The following TNFSF4 variants were observed in gnomAD, a reference collection of about 807,000 sequenced individuals.
The protein encoded by TNFSF4 is tumor necrosis factor ligand superfamily member 4.
A neutral mutation model predicts 7.3 loss-of-function variants in TNFSF4; 4 were observed. That is an observed-to-expected ratio of 0.55 (90% CI 0.27 to 1.25). The LOEUF (loss-of-function observed/expected upper bound fraction) is 1.25. Among genes scored for constraint, TNFSF4 ranks in the 50% most tolerant of loss-of-function variants. TNFSF4 has a pLI of 0.12. For synonymous variants in TNFSF4, 76 were observed against 83.7 expected, an observed-to-expected ratio of 0.91 and a Z score of 0.50; for missense variants, 181 against 208.8, an observed-to-expected ratio of 0.87 and a Z score of 0.82.
At chr1:173,183,678 A>C (rs986604492), downstream of TNFSF4, 2 of 152,126 alleles carry the variant, frequency 1.3e-5, no homozygotes, top group Non-Finnish European at 2.9e-5. Context: ...AGGATGAGCT[A>C]CTCAGAACAT....
At chr1:173,234,632 A>C in the TNFSF4 span, among the ~76,000 whole-genome samples, 3 of 152,210 alleles carry the variant, frequency 2.0e-5, no homozygotes, top group African/African-American at 7.2e-5. Context: ...AGGATGAGTT[A>C]GTGTCCTTTG....
the TNFSF4 span, among the ~76,000 whole-genome samples, chr1:173,437,275 G>A: frequency 1.3e-5 from 2 of 152,150 alleles, no homozygotes; most frequent in Admixed American, 6.5e-5. Flanking sequence ...CCTGAGTACT[G>A]TGTGTCATTC....
the TNFSF4 span, among the ~76,000 whole-genome samples, chr1:173,241,961 G>A: frequency 6.6e-6 from 1 of 152,196 alleles, no homozygotes; most frequent in Non-Finnish European, 1.5e-5. Flanking sequence ...CAAGAGTAGG[G>A]GAACTTACAG....
chr1:173,438,901 C>T, the TNFSF4 span, among the ~76,000 whole-genome samples: 1 of 152,142 alleles, frequency 6.6e-6, no homozygotes, highest in Admixed American at 6.5e-5. Context: ...TTCATGTACC[C>T]ACCATGTGGC....
the TNFSF4 span, among the ~76,000 whole-genome samples, chr1:173,376,126 A>G: frequency 2.0e-5 from 3 of 152,104 alleles, no homozygotes; most frequent in African/African-American, 7.2e-5. Context: ...TTTTATGAAT[A>G]CCCATGCATG....
the TNFSF4 span, among the ~76,000 whole-genome samples, chr1:173,223,888 C>T: frequency 6.6e-6 from 1 of 152,136 alleles, no homozygotes. Context: ...GAAAGCAGAA[C>T]GTGGGACAGT....
chr1:173,219,002 T>C, the TNFSF4 span, among the ~76,000 whole-genome samples: 6 of 152,308 alleles, frequency 3.9e-5, no homozygotes, highest in East Asian at 5.8e-4. Flanking sequence ...CAATTGCCAA[T>C]TGTATTATAT....
At chr1:173,402,734 G>C in the TNFSF4 span, among the ~76,000 whole-genome samples, 1 of 152,226 alleles carries the variant, frequency 6.6e-6, no homozygotes, top group South Asian at 2.1e-4. Flanking sequence ...CCAGAAATCT[G>C]TAAGGACAGA....
At chr1:173,307,435 C>T in the TNFSF4 span, among the ~76,000 whole-genome samples, 2 of 151,680 alleles carry the variant, frequency 1.3e-5, no homozygotes, top group Non-Finnish European at 2.9e-5. Context: ...GGCTGAGGAA[C>T]CATTACAGAT....
At chr1:173,258,902 G>A in the TNFSF4 span, among the ~76,000 whole-genome samples, 3 of 152,150 alleles carry the variant, frequency 2.0e-5, no homozygotes, top group Non-Finnish European at 4.4e-5. Flanking sequence ...GGTCTCTGTG[G>A]TTCATTCAGC....
chr1:173,310,318 G>T, the TNFSF4 span, among the ~76,000 whole-genome samples: 6,619 of 151,932 alleles, frequency 0.044, 472 homozygotes, highest in African/African-American at 0.15. Flanking sequence ...CTTTAGCAGG[G>T]TACCACATGT....
chr1:173,337,095 T>C, the TNFSF4 span, among the ~76,000 whole-genome samples: 1 of 152,150 alleles, frequency 6.6e-6, no homozygotes, highest in African/African-American at 2.4e-5. Flanking sequence ...GATCCAACCA[T>C]ACTTAAAATG....
At chr1:173,406,908 G>C in the TNFSF4 span, among the ~76,000 whole-genome samples, 1 of 152,182 alleles carries the variant, frequency 6.6e-6, no homozygotes, top group Non-Finnish European at 1.5e-5. Context: ...AAGTGAAAGT[G>C]AACAGTGACA....
At chr1:173,196,167 C>G (rs571869690) in intron 1 of TNFSF4, among the ~76,000 whole-genome samples, 1 of 152,158 alleles carries the variant, frequency 6.6e-6, no homozygotes, top group African/African-American at 2.4e-5. Flanking sequence ...CTTCTGATCA[C>G]GGAAGTTCAG....
the TNFSF4 span, among the ~76,000 whole-genome samples, chr1:173,396,392 C>T: frequency 3.3e-5 from 5 of 152,060 alleles, no homozygotes; most frequent in Non-Finnish European, 7.4e-5. Flanking sequence ...CACCTGTGGT[C>T]CCAGCTACTC....
At chr1:173,232,145 G>C in the TNFSF4 span, among the ~76,000 whole-genome samples, 1 of 152,058 alleles carries the variant, frequency 6.6e-6, no homozygotes, top group African/African-American at 2.4e-5. Flanking sequence ...TTACTTCGTT[G>C]AGCAGTGGTT....
chr1:173,408,595 TG>T, the TNFSF4 span, among the ~76,000 whole-genome samples: 4 of 151,928 alleles, frequency 2.6e-5, no homozygotes, highest in African/African-American at 9.7e-5. Flanking sequence ...AGAATGGAGT[TG>T]TTTTTTTTTT....
the TNFSF4 span, among the ~76,000 whole-genome samples, chr1:173,399,827 A>C: frequency 0.67 from 101,189 of 152,046 alleles, 34,298 homozygotes; most frequent in African/African-American, 0.72. Context: ...TCAGCAACAT[A>C]GACTTCCATC....
chr1:173,391,217 C>A, the TNFSF4 span, among the ~76,000 whole-genome samples: 1 of 151,324 alleles, frequency 6.6e-6, no homozygotes, highest in Non-Finnish European at 1.5e-5. Context: ...CTGGTCCTTC[C>A]CCTATGCAGC....
Sources: gnomAD v4.1 joint callset for allele counts (sites outside exome capture counted in the v4.1 genomes callset) on GRCh38, gnomAD v4.1.1 for gene constraint, MANE v1.5 for transcripts, NCBI Gene and HGNC (gene_info 2026-07-23, HGNC 2026-07-21) for gene names.